Variants in SLC19A1 observed in about 807,000 individuals in gnomAD.
The protein encoded by SLC19A1 is solute carrier family 19 member 1, also known as reduced folate transporter.
A neutral mutation model predicts 35.3 loss-of-function variants in SLC19A1; 37 were observed. The observed-to-expected ratio is 1.05, with a 90% CI of 0.81 to 1.38. The LOEUF (loss-of-function observed/expected upper bound fraction) is 1.38, where lower values mean the gene tolerates loss of function less well. Among genes scored for constraint, SLC19A1 ranks in the 40% most tolerant of loss-of-function variants. The probability of loss-of-function intolerance (pLI) is 0.00; values close to 1 mark genes in which losing one functional copy is unlikely to be tolerated. For missense variants in SLC19A1, 831 were observed against 826.9 expected, an observed-to-expected ratio of 1.00 and a Z score of -0.06; for synonymous variants, 460 against 398.5, an observed-to-expected ratio of 1.15 and a Z score of -1.84.
chr21:45,538,096 C>T (rs1465321887), intron 1 of SLC19A1, 88 bp from the exon 2 acceptor site: 5 of 746,736 alleles, frequency 6.7e-6, no homozygotes, highest in African/African-American at 5.4e-5. Context: ...CCGGCCTCCT[C>T]GCCACTCAGG....
rs1297442843 is a variant in SLC19A1, at chr21:45,515,728, T to C, written c.1706A>G (p.His569Arg). The change falls in exon 6 of 6, where the codon CAT (histidine) becomes CGT (arginine). Residue 569 changes from histidine to arginine, a missense_variant. By Grantham distance (29) the His-to-Arg change is conservative. Transcript: ENST00000311124. ...ADETCPQLAV[H>R]PPGVSKLGLQ... ...ACCCAGCTTGCTGACACCAGGAGGA[T>C]GGACAGCCAGCTGGGGACAAGTCTC... is the stretch of plus-strand genomic sequence containing the variant. 1 of 1,613,756 alleles carries C rather than the reference T, an allele frequency of 6.2e-7. No individual in the cohort carries two copies. Among genetic ancestry groups the C allele is most frequent in the Non-Finnish European group, 8.5e-7 (1 of 1,179,990 alleles).
chr21:45,504,050 T>C, intron 3 of SLC19A1: 15 of 1,613,616 alleles, frequency 9.3e-6, no homozygotes, highest in Non-Finnish European at 1.3e-5. Context: ...GAGGCTGAAA[T>C]GAAGGTGGGT....
Position 45,540,065 on chromosome 21 carries a change from T to C in SLC19A1, c.-49-2057A>G, listed in dbSNP as rs4818790. ...TCGCCTGCCTCGGCCTCACCTTCCA[T>C]GCCTCCTCAGGGCCTGTCAACAGCT... On this transcript the variant is annotated intron_variant, in intron 1 of 5. Coordinates refer to ENST00000311124, the MANE Select transcript of SLC19A1 (RefSeq NM_194255.4). This position sits in a 1 kb window ranked among gnomAD's most constrained non-coding sequence, Gnocchi z 5.5. 0.57 allele frequency among the ~76,000 whole-genome samples: 85,908 copies of C among 151,924 alleles called. 24,678 individuals carry two copies. The highest frequency in any genetic ancestry group is 0.63 in the South Asian group (3,052 of 4,816).
At chr21:45,526,301 C>T (rs1037025995) in intron 4 of SLC19A1, among the ~76,000 whole-genome samples, 3 of 152,196 alleles carry the variant, frequency 2.0e-5, no homozygotes, top group Admixed American at 6.5e-5. Context: ...AGGATGGAAC[C>T]CAAGTCTAAA....
intron 1 of SLC19A1, among the ~76,000 whole-genome samples, chr21:45,539,457 G>T (rs1045252529): frequency 6.6e-6 from 1 of 152,246 alleles, no homozygotes; most frequent in African/African-American, 2.4e-5. Flanking sequence ...GGTCTGCAGA[G>T]GGTCTGGATT....
downstream of SLC19A1, among the ~76,000 whole-genome samples, chr21:45,509,011 T>C (rs563552363): frequency 1.3e-5 from 2 of 151,964 alleles, no homozygotes; most frequent in South Asian, 2.1e-4. Context: ...CCTGGGAGAT[T>C]AGAAGGTCGA....
chr21:45,556,786 G>A (rs2146510939), intron 1 of SLC19A1, among the ~76,000 whole-genome samples: 1 of 152,270 alleles, frequency 6.6e-6, no homozygotes, highest in African/African-American at 2.4e-5. Context: ...TCCTCTGGAA[G>A]ATCTTGGATG....
downstream of SLC19A1, among the ~76,000 whole-genome samples, chr21:45,509,867 G>A (rs917069631): frequency 1.3e-5 from 2 of 152,196 alleles, no homozygotes; most frequent in Non-Finnish European, 2.9e-5. Context: ...GGGCACCCAC[G>A]TGGCCCGGGG....
chr21:45,510,290 G>C (rs747200507), downstream of SLC19A1: 7 of 1,569,174 alleles, frequency 4.5e-6, no homozygotes, highest in Non-Finnish European at 4.3e-6. Flanking sequence ...GAGGGCGCGG[G>C]CTCCTCGGCC....
At chr21:45,543,972 G>C (rs2078382853), upstream of SLC19A1, 2 of 152,576 alleles carry the variant, frequency 1.3e-5, no homozygotes, top group South Asian at 4.1e-4. Context: ...TTTACACGCA[G>C]GACAGGCCAG....
chr21:45,522,563 A>C (rs1349561378), intron 5 of SLC19A1, among the ~76,000 whole-genome samples: 1 of 152,214 alleles, frequency 6.6e-6, no homozygotes, highest in Admixed American at 6.5e-5. Flanking sequence ...TAGCAGCTTT[A>C]TTGGTAATAC....
At chr21:45,506,727 CACACCCACCTTCCT>C (rs2037222850) in intron 3 of SLC19A1, 3 of 161,444 alleles carry the variant, frequency 1.9e-5, no homozygotes, top group African/African-American at 7.3e-5. Flanking sequence ...CACCTTCCAA[CACACCCACCTTCCT>C]TCTAGAGCCC....
At chr21:45,521,195 G>T (rs1015147912) in intron 5 of SLC19A1, among the ~76,000 whole-genome samples, 3 of 152,188 alleles carry the variant, frequency 2.0e-5, no homozygotes, top group South Asian at 4.1e-4. Flanking sequence ...AACTGTGAGA[G>T]AATATATTTC....
chr21:45,550,493 G>A (rs754091727), intron 1 of SLC19A1, among the ~76,000 whole-genome samples: 9 of 152,142 alleles, frequency 5.9e-5, no homozygotes, highest in Non-Finnish European at 4.4e-5. Context: ...TTGACTACAC[G>A]GTCTTATTAG....
chr21:45,553,922 C>A (rs1211573182), intron 1 of SLC19A1, among the ~76,000 whole-genome samples: 1 of 6,474 alleles, frequency 1.5e-4, no homozygotes, highest in East Asian at 6.2e-3. Context: ...CCGAGCCCCC[C>A]TCCCAGTCCC....
chr21:45,517,189 C>CA lies in SLC19A1; in HGVS notation c.1294-1050dup, dbSNP rs1473759485. ...TCAGATATTTTGAAACTGAAGAAGG[C>CA]AGCAGGCTGGAAAAGACAACAGATG... On this transcript the variant is annotated intron_variant, in intron 5 of 5. Transcript: ENST00000311124. The surrounding 1 kb of genome is among the most constrained non-coding windows in gnomAD (Gnocchi z 4.4). Among the ~76,000 whole-genome samples the CA allele has an allele frequency of 6.6e-6, 1 of 152,160 alleles. No individual in the cohort carries two copies. The highest frequency in any genetic ancestry group is 6.5e-5 in the Admixed American group (1 of 15,278).
At chr21:45,536,225 CCGTTAATGTACAA>C (rs1383154107) in intron 2 of SLC19A1, 1 of 156,104 alleles carries the variant, frequency 6.4e-6, no homozygotes, top group Non-Finnish European at 1.4e-5. Context: ...ACTTTTTAAT[CCGTTAATGTACAA>C]CATGAGAGGG....
At chr21:45,531,164 A>G (rs1018034458) in intron 3 of SLC19A1, among the ~76,000 whole-genome samples, 193 bp from the exon 4 acceptor site, 76 of 148 alleles carry the variant, frequency 0.51, 9 homozygotes, top group African/African-American at 0.59. Context: ...GGGGGCGGGG[A>G]GGGGGAGCCT....
upstream of SLC19A1, among the ~76,000 whole-genome samples, chr21:45,547,965 T>C (rs1027499082): frequency 2.6e-5 from 4 of 152,266 alleles, no homozygotes; most frequent in Non-Finnish European, 5.9e-5. Flanking sequence ...CACAGGCTTA[T>C]TTCTTAGAAA....
Sources: gnomAD v4.1 joint callset for allele counts (sites outside exome capture counted in the v4.1 genomes callset) on GRCh38, gnomAD v4.1.1 for gene constraint, Gnocchi (gnomAD v3.1) non-coding constraint, MANE v1.5 for transcripts, NCBI Gene and HGNC (gene_info 2026-07-23, HGNC 2026-07-21) for gene names.